The following RECK variants were observed in gnomAD, a reference collection of about 807,000 sequenced individuals.
RECK encodes the protein reversion inducing cysteine rich protein with kazal motifs.
RECK carries 69 observed loss-of-function variants against 115.1 expected under a neutral mutation model. That is an observed-to-expected ratio of 0.60 (90% confidence interval 0.49 to 0.73). RECK has a LOEUF of 0.73. Among genes scored for constraint, RECK ranks in the 30% least tolerant of loss-of-function variants. The pLI, the probability that RECK is intolerant of heterozygous loss-of-function variation, is 0.00. For missense variants in RECK, 1,047 were observed against 1,203.7 expected (o/e 0.87, Z 1.93); for synonymous variants, 414 against 419.7 (o/e 0.99, Z 0.17).
chr9:36,116,863 C>CATA, intron 16 of RECK, 122 bp from the exon 17 acceptor site: 1 of 708,722 alleles, frequency 1.4e-6, no homozygotes, highest in Non-Finnish European at 2.4e-6. Flanking sequence ...TCTTTGGAGA[C>CATA]AGGACTGTCC....
At chr9:36,074,433 A>G (rs1822367342) in intron 6 of RECK, among the ~76,000 whole-genome samples, 1 of 152,230 alleles carries the variant, frequency 6.6e-6, no homozygotes, top group Non-Finnish European at 1.5e-5. Context: ...GTCCATGGGA[A>G]GAGAGAAATC....
At chr9:36,103,720 T>G (rs1185131826) in intron 12 of RECK, among the ~76,000 whole-genome samples, 4 of 152,236 alleles carry the variant, frequency 2.6e-5, no homozygotes, top group African/African-American at 9.6e-5. Flanking sequence ...ACTGTGTCCC[T>G]TAACCTTTGT....
At chr9:36,043,604 T>G (rs1310752196) in intron 1 of RECK, among the ~76,000 whole-genome samples, 4 of 152,190 alleles carry the variant, frequency 2.6e-5, no homozygotes, top group Admixed American at 6.5e-5. Flanking sequence ...TAATTCAATG[T>G]CTAGGTGGGT....
intron 6 of RECK, among the ~76,000 whole-genome samples, chr9:36,073,050 T>TC (rs1473818462): frequency 6.6e-6 from 1 of 152,044 alleles, no homozygotes; most frequent in Non-Finnish European, 1.5e-5. Flanking sequence ...GCTAACCTTT[T>TC]TTTTTTTGAG....
At chr9:36,121,369 T>C (rs1385016024) in intron 19 of RECK, among the ~76,000 whole-genome samples, 164 bp from the exon 20 acceptor site, 1 of 152,218 alleles carries the variant, frequency 6.6e-6, no homozygotes, top group East Asian at 1.9e-4. Context: ...CCCATTGTGA[T>C]GGACTGGAGA....
At chr9:36,097,895 T>C (rs536802148) in intron 10 of RECK, among the ~76,000 whole-genome samples, 1 of 152,110 alleles carries the variant, frequency 6.6e-6, no homozygotes, top group Non-Finnish European at 1.5e-5. Flanking sequence ...TGAATGAACC[T>C]GGAGGACACT....
At chr9:36,113,392 T>G (rs746416666) in intron 16 of RECK, among the ~76,000 whole-genome samples, 39 of 152,196 alleles carry the variant, frequency 2.6e-4, no homozygotes, top group Non-Finnish European at 4.9e-4. Flanking sequence ...CTGCCAAATT[T>G]TATACAATGA....
intron 1 of RECK, among the ~76,000 whole-genome samples, chr9:36,049,065 C>A (rs920548558): frequency 6.6e-6 from 1 of 152,072 alleles, no homozygotes; most frequent in African/African-American, 2.4e-5. Flanking sequence ...ATAAGGGGTA[C>A]AATTCAGGAG....
At chr9:36,107,444 C>A (rs560803045) in intron 13 of RECK, among the ~76,000 whole-genome samples, 8 of 151,496 alleles carry the variant, frequency 5.3e-5, no homozygotes, top group Non-Finnish European at 1.0e-4. Flanking sequence ...AAAAATTAGC[C>A]GGGTACAAAA....
At chr9:36,061,392 C>CA (rs1821756792) in intron 4 of RECK, among the ~76,000 whole-genome samples, 2 of 66,542 alleles carry the variant, frequency 3.0e-5, no homozygotes. Context: ...CTGTAATTTT[C>CA]TACACACACA....
At chr9:36,097,340 A>AAAAG (rs1281847730) in intron 10 of RECK, among the ~76,000 whole-genome samples, 2 of 151,882 alleles carry the variant, frequency 1.3e-5, no homozygotes, top group African/African-American at 4.8e-5. Flanking sequence ...AAAAAAAAAA[A>AAAAG]AAAAGAAAAA....
chr9:36,106,551 A>G (rs1306534970), intron 13 of RECK, among the ~76,000 whole-genome samples: 2 of 151,766 alleles, frequency 1.3e-5, no homozygotes. Flanking sequence ...AAATATTTTT[A>G]AAGTAAAATA....
chr9:36,077,647 G>GA (rs1822502785), intron 6 of RECK, among the ~76,000 whole-genome samples: 1 of 152,166 alleles, frequency 6.6e-6, no homozygotes. Context: ...GCTGCCATGT[G>GA]AAAATAGAAA....
chr9:36,095,874 CA>C (rs1823313781), intron 10 of RECK, among the ~76,000 whole-genome samples: 1 of 148,336 alleles, frequency 6.7e-6, no homozygotes, highest in South Asian at 2.2e-4. Flanking sequence ...AGTTCGAGAC[CA>C]GCCTGGCCAA....
intron 1 of RECK, among the ~76,000 whole-genome samples, chr9:36,044,181 C>T (rs1820988302): frequency 6.6e-6 from 1 of 151,638 alleles, no homozygotes; most frequent in Non-Finnish European, 1.5e-5. Flanking sequence ...AGAATTCTTT[C>T]ACCTCCTTGG....
intron 1 of RECK, among the ~76,000 whole-genome samples, chr9:36,051,165 A>T (rs1821285225): frequency 6.6e-6 from 1 of 152,174 alleles, no homozygotes; most frequent in South Asian, 2.1e-4. Context: ...TTGGAAGAAG[A>T]AGTATTCCCT....
chr9:36,084,763 C>T (rs1822880556), intron 8 of RECK, among the ~76,000 whole-genome samples: 1 of 151,662 alleles, frequency 6.6e-6, no homozygotes, highest in Non-Finnish European at 1.5e-5. Flanking sequence ...GAAGGTAGGC[C>T]CGTCCGAGTT....
intron 6 of RECK, among the ~76,000 whole-genome samples, chr9:36,068,865 TA>T (rs779559099): frequency 1.3e-3 from 205 of 152,336 alleles, no homozygotes; most frequent in Middle Eastern, 3.4e-3. Context: ...TTCATAACCC[TA>T]AGCTGGTCTT....
At chr9:36,120,530 T>C in intron 18 of RECK, 133 bp from the exon 19 acceptor site, 2 of 674,278 alleles carry the variant, frequency 3.0e-6, no homozygotes, top group Middle Eastern at 3.5e-4. Context: ...AAGGAGCTTA[T>C]ATGAAGGTAC....
Sources: gnomAD v4.1 joint callset for allele counts (sites outside exome capture counted in the v4.1 genomes callset) on GRCh38, gnomAD v4.1.1 for gene constraint, MANE v1.5 for transcripts, NCBI Gene and HGNC (gene_info 2026-07-23, HGNC 2026-07-21) for gene names.